DNAH9: variants seen among roughly 807,000 people sequenced by gnomAD.
DNAH9 encodes DNAH9 variant protein.
Under a neutral mutation model 471.6 loss-of-function variants are expected in DNAH9, and 345 were observed. The observed-to-expected ratio is 0.73, with a 90% confidence interval of 0.67 to 0.80. DNAH9 has a LOEUF of 0.80. Among genes scored for constraint, DNAH9 ranks in the 30% least tolerant of loss-of-function variants. The pLI is 0.00. For missense variants in DNAH9, 5,407 were observed against 5,609.2 expected (o/e 0.96, Z 1.15); for synonymous variants, 2,093 against 2,123.6 (o/e 0.99, Z 0.40).
intron 45 of DNAH9, among the ~76,000 whole-genome samples, chr17:11,819,762 T>G (rs1361275541): frequency 6.6e-6 from 1 of 152,114 alleles, no homozygotes; most frequent in East Asian, 1.9e-4. Flanking sequence ...GGAAATCAAG[T>G]CTCCTTATGA....
chr17:11,603,690 C>T (rs969095414), intron 1 of DNAH9, among the ~76,000 whole-genome samples: 1 of 152,112 alleles, frequency 6.6e-6, no homozygotes, highest in Admixed American at 6.5e-5. Context: ...GTTTATGACC[C>T]CCTTCATAGC....
intron 61 of DNAH9, among the ~76,000 whole-genome samples, chr17:11,922,140 T>C: frequency 6.6e-6 from 1 of 152,236 alleles, no homozygotes; most frequent in Admixed American, 6.5e-5. Context: ...TATTTCTTAC[T>C]ACAAAAAGTC....
At chr17:11,852,477 G>T (rs1971458087) in intron 49 of DNAH9, among the ~76,000 whole-genome samples, 1 of 152,044 alleles carries the variant, frequency 6.6e-6, no homozygotes, top group Non-Finnish European at 1.5e-5. Flanking sequence ...TCCCCTTGTG[G>T]CTCTTGTCCA....
chr17:11,738,976 A>G lies in DNAH9; in HGVS notation c.5911A>G (p.Thr1971Ala). The change falls in exon 29 of 69, where the codon ACC (threonine) becomes GCC (alanine). Residue 1971 changes from threonine (T) to alanine (A), a missense_variant. By Grantham distance (58) the Thr-to-Ala change is moderately conservative. Coordinates refer to ENST00000262442, the MANE Select transcript of DNAH9 (RefSeq NM_001372.4). ...GAATCCTTCTGTCGGTATCTTCATC[A>G]CCATGAACCCAGGCTATGCTGGCCG... ...SLNPSVGIFI[T>A]MNPGYAGRTE... 6.2e-7 allele frequency: 1 copy of G among 1,614,098 alleles called. No homozygotes were observed. Among genetic ancestry groups the G allele is most frequent in the Non-Finnish European group, 8.5e-7 (1 of 1,179,970 alleles).
chr17:11,720,311 C>A (rs2075032735), intron 27 of DNAH9, among the ~76,000 whole-genome samples: 2 of 151,318 alleles, frequency 1.3e-5, no homozygotes, highest in African/African-American at 4.9e-5. Context: ...AGGTTTGTTA[C>A]ATATGTATAC....
At chr17:11,703,556 C>T (rs2074641582) in intron 24 of DNAH9, among the ~76,000 whole-genome samples, 1 of 152,136 alleles carries the variant, frequency 6.6e-6, no homozygotes, top group Admixed American at 6.5e-5. Context: ...ATGCATGTTC[C>T]ATACAAAGCT....
chr17:11,643,514 CTT>C (rs2073318511), intron 10 of DNAH9, among the ~76,000 whole-genome samples: 1 of 152,206 alleles, frequency 6.6e-6, no homozygotes, highest in Non-Finnish European at 1.5e-5. Flanking sequence ...TCATGTATTA[CTT>C]CACAATGGGG....
At position 11,942,289 on chromosome 17, in the gene DNAH9, C is replaced by T; in HGVS notation, c.12661-14C>T. On this transcript the variant is annotated splice_polypyrimidine_tract_variant and intron_variant, in intron 66 of 68. Coordinates refer to ENST00000262442, the MANE Select transcript of DNAH9 (RefSeq NM_001372.4). Reference sequence around the variant, plus strand: ...GAGCCCTTTCTTAACGCTGTGTTTCCTTCTGTGGGGCAGGTCAAGGCACTT... The same window carrying T: ...GAGCCCTTTCTTAACGCTGTGTTTCTTTCTGTGGGGCAGGTCAAGGCACTT... 1 of 1,612,066 alleles carries T rather than the reference C, an allele frequency of 6.2e-7. No individual in the cohort carries two copies. Among genetic ancestry groups the T allele is most frequent in the African/African-American group, 1.3e-5 (1 of 75,012 alleles).
At chr17:11,863,105 C>T (rs1347618656) in intron 50 of DNAH9, among the ~76,000 whole-genome samples, 1 of 152,186 alleles carries the variant, frequency 6.6e-6, no homozygotes, top group African/African-American at 2.4e-5. Flanking sequence ...TGCCAGTTTT[C>T]AAAGGGAATG....
chr17:11,637,259 G>A (rs568809767), intron 9 of DNAH9, among the ~76,000 whole-genome samples: 1 of 152,284 alleles, frequency 6.6e-6, no homozygotes, highest in African/African-American at 2.4e-5. Flanking sequence ...TTATTATGAT[G>A]CTGCGTGTCA....
intron 59 of DNAH9, among the ~76,000 whole-genome samples, 192 bp downstream of exon 59, chr17:11,894,688 G>T (rs1241459319): frequency 5.9e-5 from 9 of 152,188 alleles, no homozygotes; most frequent in Non-Finnish European, 1.2e-4. Flanking sequence ...AGAAGCAGGT[G>T]CATGCTGGTG....
intron 23 of DNAH9, among the ~76,000 whole-genome samples, chr17:11,700,768 T>G (rs568708913): frequency 6.6e-6 from 1 of 152,312 alleles, no homozygotes; most frequent in African/African-American, 2.4e-5. Flanking sequence ...CGCTTCATAC[T>G]CAGAGTGGAC....
intron 45 of DNAH9, among the ~76,000 whole-genome samples, chr17:11,813,416 G>A (rs528647285): frequency 1.1e-4 from 16 of 152,060 alleles, no homozygotes; most frequent in South Asian, 1.0e-3. Flanking sequence ...GAAAGTAACC[G>A]ACTGCCAGTT....
At chr17:11,605,049 G>A (rs1295954676) in intron 1 of DNAH9, among the ~76,000 whole-genome samples, 1 of 152,038 alleles carries the variant, frequency 6.6e-6, no homozygotes, top group East Asian at 1.9e-4. Context: ...CTATTCTTTG[G>A]GATCACTCTG....
At chr17:11,827,698 T>A (rs1970544710) in intron 48 of DNAH9, among the ~76,000 whole-genome samples, 1 of 152,030 alleles carries the variant, frequency 6.6e-6, no homozygotes, top group Non-Finnish European at 1.5e-5. Context: ...TTTTTTTTTT[T>A]TTCTTGAGAT....
chr17:11,599,653 A>G (rs971682086), intron 1 of DNAH9, among the ~76,000 whole-genome samples: 2 of 152,058 alleles, frequency 1.3e-5, no homozygotes, highest in African/African-American at 4.8e-5. Flanking sequence ...AATGCAGGAG[A>G]TTTCAGGGAA....
intron 67 of DNAH9, among the ~76,000 whole-genome samples, chr17:11,947,845 G>A (rs990402949): frequency 2.1e-5 from 3 of 143,718 alleles, no homozygotes; most frequent in Admixed American, 1.5e-4. Context: ...GCAGTAGTGC[G>A]ATCTCAGCTC....
chr17:11,962,360 T>C lies in DNAH9; in HGVS notation c.13233+104T>C. The C allele has an allele frequency of 3.4e-6, 5 of 1,452,804 alleles. No individual in the cohort carries two copies. The South Asian group carries it at 5.9e-5, about 17-fold the overall frequency. 90.0% of individuals were successfully genotyped at this position (1,452,804 alleles called of 1,614,324 possible). On this transcript the variant is annotated intron_variant, in intron 68 of 68. Transcript: ENST00000262442. The surrounding 1 kb of genome is among the most constrained non-coding windows in gnomAD (Gnocchi z 4.1). ...TAAAAGAGATATTCCTGAATCTTTT[T>C]CTCTAGCTAACCTTCTTTCCTTGAG...
In DNAH9 at chr17:11,598,546, TG is replaced by T; in HGVS notation, c.52del (p.Glu18AsnfsTer17). ...CCGCGCTCGCGGCGGAGAACGCGGA[TG>T]GGGAACCCGGCGCCGACCGACGACT... ...RAALAAENAD[G>X]EPGADRRLRL... On this transcript the variant is annotated frameshift_variant, in exon 1 of 69. Coordinates refer to ENST00000262442, the MANE Select transcript of DNAH9 (RefSeq NM_001372.4). LOFTEE classifies it high-confidence loss of function. 1 of 1,408,338 alleles carries T rather than the reference TG, an allele frequency of 7.1e-7. No homozygotes were observed. 87.2% of individuals were successfully genotyped at this position (1,408,338 alleles called of 1,614,324 possible). A position where few individuals can be genotyped will look rare whatever the true frequency, so the allele number is the denominator to read the frequency against.
Sources: gnomAD v4.1 joint callset for allele counts (sites outside exome capture counted in the v4.1 genomes callset) on GRCh38, gnomAD v4.1.1 for gene constraint, Gnocchi (gnomAD v3.1) non-coding constraint, MANE v1.5 for transcripts, NCBI Gene and HGNC (gene_info 2026-07-23, HGNC 2026-07-21) for gene names.